Variants in TMPRSS5 observed in about 807,000 individuals in gnomAD.
TMPRSS5 encodes the protein transmembrane serine protease 5, also known as transmembrane protease serine 5.
Under a neutral mutation model 59.7 loss-of-function variants are expected in TMPRSS5, and 45 were observed. The ratio of observed to expected loss-of-function variants is 0.75; its 90% CI spans 0.59 to 0.97. TMPRSS5 has a LOEUF of 0.97. Among genes scored for constraint, TMPRSS5 ranks in the 50% least tolerant of loss-of-function variants. The pLI is 0.00. For synonymous variants in TMPRSS5, 225 were observed against 232.0 expected, an observed-to-expected ratio of 0.97 and a Z score of 0.27; for missense variants, 585 against 596.7, an observed-to-expected ratio of 0.98 and a Z score of 0.20.
At position 113,700,105 on chromosome 11, in the gene TMPRSS5, C is replaced by A. The variant is rs866542723; in HGVS notation, c.67G>T (p.Gly23Trp). 1 of 1,581,842 alleles carries A rather than the reference C, an allele frequency of 6.3e-7. No homozygotes were observed. The change falls in exon 2 of 13, where the codon GGG (glycine) becomes TGG (tryptophan). Residue 23 changes from glycine (G) to tryptophan (W), a missense_variant. Transcript: ENST00000299882. ...TCTCCAGGCTCTGCTCTGAAGATCC[C>A]AGGTCCTGGGCCCTCCTCTGCATAC... is the stretch of plus-strand genomic sequence containing the variant. ...AQYAEEGPGP[G>W]IFRAEPGDQQ...
At position 113,695,382 on chromosome 11, in the gene TMPRSS5, G is replaced by T. The variant is rs564896178; in HGVS notation, c.622+18C>A. The T allele has an allele frequency of 1.4e-4, 221 of 1,613,812 alleles. No individual in the cohort carries two copies. In the South Asian group the frequency reaches 2.2e-3, roughly 16 times the overall value. On this transcript the variant is annotated intron_variant, in intron 7 of 12. Coordinates refer to ENST00000299882, the MANE Select transcript of TMPRSS5 (RefSeq NM_030770.4). ...CTTCCTCTCACCGCCACCTCCCCTA[G>T]ACCAAGATATGACTCACCAGAGCAT...
Position 113,688,190 on chromosome 11 carries a change from G to A in TMPRSS5, c.*70C>T, listed in dbSNP as rs986027595. On this transcript the variant is annotated 3_prime_UTR_variant, in exon 13 of 13. Transcript: ENST00000299882. ...GGAGGCTACTGCCTCTCCTCCATTA[G>A]TGGAGCTGCTGGAGGCCCCAGGAAG... is the stretch of plus-strand genomic sequence containing the variant. 1 of 1,539,980 alleles carries A rather than the reference G, an allele frequency of 6.5e-7. No individual in the cohort carries two copies. The highest frequency in any genetic ancestry group is 8.7e-7 in the Non-Finnish European group (1 of 1,143,688).
At position 113,693,179 on chromosome 11, in the gene TMPRSS5, G is replaced by A. The variant is rs1206208322; in HGVS notation, c.856C>T (p.His286Tyr). The change falls in exon 9 of 13, where the codon CAC becomes TAC. Residue 286 changes from histidine (H) to tyrosine (Y), a missense_variant. By Grantham distance (83) the His-to-Tyr change is moderately conservative. Transcript: ENST00000299882. ...ATCCTCTCCACCAGAGCCCCTTGGT[G>A]GGGCCTGACGGCACTGTGGCTGACC... ...GLVSHSAVRP[H>Y]QGALVERIIP... 1 of 1,602,244 alleles carries A rather than the reference G, an allele frequency of 6.2e-7. No individual in the cohort carries two copies. Among genetic ancestry groups the A allele is most frequent in the Non-Finnish European group, 8.5e-7 (1 of 1,174,428 alleles).
chr11:113,693,327 GCTGGC>G, intron 8 of TMPRSS5, 78 bp from the exon 9 acceptor site: 1 of 1,415,518 alleles, frequency 7.1e-7, no homozygotes, highest in Non-Finnish European at 9.2e-7. Context: ...GGTGGAGGAA[GCTGGC>G]CAGAGCAGCC....
intron 12 of TMPRSS5, 27 bp downstream of exon 12, chr11:113,689,738 C>T (rs1409307233): frequency 1.2e-6 from 2 of 1,602,030 alleles, no homozygotes; most frequent in Non-Finnish European, 1.7e-6. Flanking sequence ...AGAAATCTCC[C>T]TGCCCTACTC....
At position 113,694,521 on chromosome 11, in the gene TMPRSS5, G is replaced by A; in HGVS notation, c.742C>T (p.Leu248=). The A allele has an allele frequency of 6.4e-7, 1 of 1,565,438 alleles. No individual in the cohort carries two copies. Among genetic ancestry groups the A allele is most frequent in the Non-Finnish European group, 8.7e-7 (1 of 1,154,714 alleles). ...GCAGTCACCACCCAGCGTGGCGCTA[G>A]CACAGAGCCCCCACACGTGTGCCGG... ...GFRHTCGGSV[L]APRWVVTAAH... Residue 248 remains leucine (L), a synonymous_variant, in exon 8 of 13, where the codon CTA becomes TTA. Coordinates refer to ENST00000299882, the MANE Select transcript of TMPRSS5 (RefSeq NM_030770.4).
intron 11 of TMPRSS5, 119 bp from the exon 12 acceptor site, chr11:113,690,036 GAT>G: frequency 7.9e-7 from 1 of 1,270,678 alleles, no homozygotes. Context: ...TTCTAGCTGA[GAT>G]ATCTGCTGGC....
intron 3 of TMPRSS5, among the ~76,000 whole-genome samples, chr11:113,699,272 C>CCTCTCTCT (rs550946661): frequency 2.1e-4 from 5 of 24,060 alleles, no homozygotes; most frequent in East Asian, 1.3e-3. Flanking sequence ...TCTCTCTCTC[C>CCTCTCTCT]CTCTCTCTCT....
intron 11 of TMPRSS5, 136 bp from the exon 12 acceptor site, chr11:113,690,053 C>A: frequency 1.6e-6 from 2 of 1,262,438 alleles, no homozygotes; most frequent in Non-Finnish European, 1.1e-6. Flanking sequence ...GCTGGCCTCA[C>A]CCCTCCTTAA....
At chr11:113,699,481 G>C (rs1953058937) in intron 3 of TMPRSS5, 114 bp downstream of exon 3, 3 of 846,306 alleles carry the variant, frequency 3.5e-6, no homozygotes, top group East Asian at 2.7e-5. Context: ...TTCTCCCCTT[G>C]TCTGCACAGA....
At chr11:113,700,478 G>T (rs1349399185) in intron 1 of TMPRSS5, among the ~76,000 whole-genome samples, 1 of 152,094 alleles carries the variant, frequency 6.6e-6, no homozygotes, top group East Asian at 1.9e-4. Flanking sequence ...AACATTGAAG[G>T]CATCTACTAA....
intron 6 of TMPRSS5, among the ~76,000 whole-genome samples, 184 bp from the exon 7 acceptor site, chr11:113,695,627 C>T (rs1312319782): frequency 1.3e-5 from 2 of 152,188 alleles, no homozygotes; most frequent in African/African-American, 4.8e-5. Context: ...TCAGACCCCT[C>T]CTCATCAGTG....
rs1043008727 is a variant in TMPRSS5, at chr11:113,697,023, C to T, written c.465-52G>A. 54 of 1,374,984 alleles carry T rather than the reference C, an allele frequency of 3.9e-5. No individual in the cohort carries two copies. The Middle Eastern group carries it at 7.0e-4, about 18-fold the overall frequency. The allele number at this position is 1,374,984 out of a possible 1,614,324, so 85.2% of individuals were successfully genotyped here. On this transcript the variant is annotated intron_variant, in intron 5 of 12. Coordinates refer to ENST00000299882, the MANE Select transcript of TMPRSS5 (RefSeq NM_030770.4). Reference sequence around the variant, plus strand: ...GAGGAAATCATAACTGGAATATGTACGAGATATAATACTAGTATAGTGACC... The same window carrying T: ...GAGGAAATCATAACTGGAATATGTATGAGATATAATACTAGTATAGTGACC...
At chr11:113,697,190 A>T in intron 5 of TMPRSS5, 93 bp downstream of exon 5, 1 of 1,511,318 alleles carries the variant, frequency 6.6e-7, no homozygotes, top group Non-Finnish European at 9.0e-7. Context: ...TCCTGAGCAC[A>T]TTGACCAGTG....
At chr11:113,693,347 G>T in intron 8 of TMPRSS5, 98 bp from the exon 9 acceptor site, 1 of 1,345,354 alleles carries the variant, frequency 7.4e-7, no homozygotes, top group Non-Finnish European at 9.8e-7. Flanking sequence ...GCAGCCATTG[G>T]TGGGGGGGCC....
At chr11:113,691,984 T>C (rs777531906) in intron 9 of TMPRSS5, among the ~76,000 whole-genome samples, 5 of 146,738 alleles carry the variant, frequency 3.4e-5, no homozygotes, top group Admixed American at 7.1e-5. Flanking sequence ...GCCTCCCAGG[T>C]TCAAGTGATC....
Position 113,688,491 on chromosome 11 carries a change from C to T in TMPRSS5, c.1360-217G>A, listed in dbSNP as rs552414734. Among the ~76,000 whole-genome samples, 5 of 152,202 alleles carry T rather than the reference C, an allele frequency of 3.3e-5. No homozygotes were observed. In the South Asian group the frequency reaches 6.2e-4, roughly 19 times the overall value. ...TCCGAATGTATTATCTACCAACCCC[C>T]ACCCCTGCCCAACCTTAGAGGAAGA... On this transcript the variant is annotated intron_variant, in intron 12 of 12. Coordinates refer to ENST00000299882, the MANE Select transcript of TMPRSS5 (RefSeq NM_030770.4).
At chr11:113,688,648 G>A (rs1356996514) in intron 12 of TMPRSS5, among the ~76,000 whole-genome samples, 2 of 152,138 alleles carry the variant, frequency 1.3e-5, no homozygotes, top group East Asian at 3.9e-4. Flanking sequence ...TCAGCTCACT[G>A]GAACCTCCGC....
chr11:113,690,708 C>T (rs1952752226), intron 10 of TMPRSS5, 133 bp downstream of exon 10: 3 of 888,198 alleles, frequency 3.4e-6, no homozygotes, highest in African/African-American at 3.3e-5. Context: ...GACCCTAGGC[C>T]TGACCAAGGG....
Sources: gnomAD v4.1 joint callset for allele counts (sites outside exome capture counted in the v4.1 genomes callset) on GRCh38, gnomAD v4.1.1 for gene constraint, MANE v1.5 for transcripts, NCBI Gene and HGNC (gene_info 2026-07-23, HGNC 2026-07-21) for gene names.